Variants in ESRRG observed in about 807,000 individuals in gnomAD.
The protein encoded by ESRRG is estrogen-related receptor gamma.
ESRRG carries 13 observed loss-of-function variants against 44.0 expected under a neutral mutation model. The observed-to-expected ratio is 0.30, with a 90% CI of 0.19 to 0.47. The LOEUF (loss-of-function observed/expected upper bound fraction) is 0.47, where lower values mean the gene tolerates loss of function less well. ESRRG is among the 20% of genes least tolerant of loss of function. ESRRG has a pLI of 1.00. For synonymous variants in ESRRG, 215 were observed against 214.6 expected (o/e 1.00, Z -0.02); for missense variants, 395 against 580.6 (o/e 0.68, Z 3.29).
chr1:216,747,642 C>T (rs556501836), intron 2 of ESRRG, among the ~76,000 whole-genome samples: 2 of 152,194 alleles, frequency 1.3e-5, no homozygotes, highest in Non-Finnish European at 2.9e-5. Context: ...CACTTAATAC[C>T]AAAATACTTA....
chr1:217,069,214 G>A (rs1201414052), intron 1 of ESRRG, among the ~76,000 whole-genome samples: 1 of 152,138 alleles, frequency 6.6e-6, no homozygotes, highest in Non-Finnish European at 1.5e-5. Flanking sequence ...TAGCCTCCCA[G>A]TCTACATCTT....
chr1:216,872,831 G>C (rs1014570593), intron 2 of ESRRG, among the ~76,000 whole-genome samples: 3 of 152,102 alleles, frequency 2.0e-5, no homozygotes, highest in Non-Finnish European at 4.4e-5. Flanking sequence ...TCTTGATGTA[G>C]GTTGAAATTT....
intron 1 of ESRRG, among the ~76,000 whole-genome samples, chr1:216,705,217 T>A (rs2082214949): frequency 6.6e-6 from 1 of 151,722 alleles, no homozygotes; most frequent in Non-Finnish European, 1.5e-5. Context: ...CATTTAATAG[T>A]TAGTATATAT....
intron 2 of ESRRG, among the ~76,000 whole-genome samples, chr1:216,934,924 A>G (rs929525639): frequency 1.1e-4 from 16 of 152,208 alleles, no homozygotes; most frequent in African/African-American, 2.4e-4. Flanking sequence ...TCTTAGCACA[A>G]TGAATGGCCG....
intron 1 of ESRRG, among the ~76,000 whole-genome samples, chr1:217,026,514 C>T (rs1356251443): frequency 4.6e-5 from 7 of 152,132 alleles, no homozygotes; most frequent in African/African-American, 1.7e-4. Context: ...CTCCAGCTTA[C>T]AGTTTATTAA....
At chr1:217,039,564 C>T (rs1418949790) in intron 1 of ESRRG, among the ~76,000 whole-genome samples, 2 of 152,140 alleles carry the variant, frequency 1.3e-5, no homozygotes, top group South Asian at 2.1e-4. Context: ...ATCACAAGAA[C>T]AGCAAGGGAA....
chr1:216,974,472 CA>C (rs1239328043), intron 1 of ESRRG, among the ~76,000 whole-genome samples: 2 of 152,018 alleles, frequency 1.3e-5, no homozygotes, highest in Non-Finnish European at 2.9e-5. Flanking sequence ...AAAATAGCAA[CA>C]AAAAGATCTC....
intron 3 of ESRRG, among the ~76,000 whole-genome samples, chr1:216,607,586 A>C (rs2060098846): frequency 6.6e-6 from 1 of 152,166 alleles, no homozygotes. Flanking sequence ...AAATGACTCT[A>C]ATCTGATAGA....
intron 1 of ESRRG, among the ~76,000 whole-genome samples, chr1:217,035,670 G>A (rs2082760692): frequency 7.0e-6 from 1 of 142,202 alleles, no homozygotes; most frequent in Non-Finnish European, 1.6e-5. Flanking sequence ...AAAAACTCTA[G>A]GGATTCCGTG....
intron 1 of ESRRG, among the ~76,000 whole-genome samples, chr1:216,697,501 G>A (rs2080417475): frequency 1.3e-5 from 2 of 152,216 alleles, no homozygotes; most frequent in African/African-American, 4.8e-5. Flanking sequence ...CTGAGATTAA[G>A]AGGTTATGCT....
intron 1 of ESRRG, among the ~76,000 whole-genome samples, chr1:216,964,749 A>T (rs2069890984): frequency 1.3e-5 from 2 of 151,414 alleles, no homozygotes; most frequent in African/African-American, 4.9e-5. Flanking sequence ...AAGAGAAGGA[A>T]AAAAAAAACC....
At chr1:216,794,076 G>A (rs548883563) in intron 2 of ESRRG, among the ~76,000 whole-genome samples, 1 of 151,660 alleles carries the variant, frequency 6.6e-6, no homozygotes, top group Admixed American at 6.6e-5. Context: ...CTACCATTAA[G>A]AGTTCAATAT....
At chr1:216,566,325 T>C (rs2059679275) in intron 4 of ESRRG, among the ~76,000 whole-genome samples, 1 of 152,174 alleles carries the variant, frequency 6.6e-6, no homozygotes, top group Non-Finnish European at 1.5e-5. Context: ...AACACACTAA[T>C]TGGATGGACT....
At chr1:217,073,287 A>C (rs550667740) in intron 1 of ESRRG, among the ~76,000 whole-genome samples, 48 of 151,482 alleles carry the variant, frequency 3.2e-4, no homozygotes, top group Admixed American at 7.2e-4. Context: ...AACTGTAGGC[A>C]AAATCCATCT....
intron 2 of ESRRG, among the ~76,000 whole-genome samples, chr1:216,652,609 G>A (rs1242766794): frequency 6.6e-6 from 1 of 152,088 alleles, no homozygotes; most frequent in Non-Finnish European, 1.5e-5. Flanking sequence ...AATAATAAGA[G>A]TAATATTCAT....
intron 1 of ESRRG, among the ~76,000 whole-genome samples, chr1:217,057,155 T>C (rs566645184): frequency 4.6e-5 from 7 of 152,130 alleles, no homozygotes; most frequent in Non-Finnish European, 8.8e-5. Flanking sequence ...AACAAGAGTC[T>C]AAAGAAAGAG....
intron 2 of ESRRG, among the ~76,000 whole-genome samples, chr1:216,793,749 T>C (rs2094393825): frequency 6.6e-6 from 1 of 152,212 alleles, no homozygotes; most frequent in South Asian, 2.1e-4. Context: ...AAAGGTACTA[T>C]AGGTTTTTGT....
Position 216,527,209 on chromosome 1 carries a change from G to T in ESRRG, c.863-7788C>A, listed in dbSNP as rs574181397. Among the ~76,000 whole-genome samples the T allele has an allele frequency of 1.1e-3, 175 of 152,224 alleles. 1 individual carries two copies. The highest frequency in any genetic ancestry group is 4.0e-3 in the African/African-American group (166 of 41,558). ...GCAGAAAAGGAGAGTTTAGTGCTTGGTTGTACACATTCTCCTAAATGTATC... is the reference window on the plus strand; with the variant it reads ...GCAGAAAAGGAGAGTTTAGTGCTTGTTTGTACACATTCTCCTAAATGTATC... On this transcript the variant is annotated intron_variant, in intron 5 of 6. Transcript: ENST00000408911.
At chr1:216,888,190 A>T (rs2057297107) in intron 2 of ESRRG, among the ~76,000 whole-genome samples, 1 of 152,206 alleles carries the variant, frequency 6.6e-6, no homozygotes, top group African/African-American at 2.4e-5. Flanking sequence ...ATTAAGACCG[A>T]CAGTCACTCT....
Sources: gnomAD v4.1 joint callset for allele counts (sites outside exome capture counted in the v4.1 genomes callset) on GRCh38, gnomAD v4.1.1 for gene constraint, MANE v1.5 for transcripts, NCBI Gene and HGNC (gene_info 2026-07-23, HGNC 2026-07-21) for gene names.